NAV3: variants seen among roughly 807,000 people sequenced by gnomAD.
NAV3 encodes the protein pore membrane and/or filament interacting like protein 1.
In NAV3, 87 loss-of-function variants were observed where a neutral mutation model predicts 244.7. That is an observed-to-expected ratio of 0.36 (90% confidence interval 0.30 to 0.42). The LOEUF (loss-of-function observed/expected upper bound fraction) is 0.42. Among genes scored for constraint, NAV3 ranks in the 20% least tolerant of loss-of-function variants. The probability of loss-of-function intolerance (pLI) is 1.00; values close to 1 mark genes in which losing one functional copy is unlikely to be tolerated. For missense variants in NAV3, 2,663 were observed against 2,893.3 expected (o/e 0.92, Z 1.83); for synonymous variants, 1,126 against 1,042.2 (o/e 1.08, Z -1.55).
intron 2 of NAV3, among the ~76,000 whole-genome samples, chr12:77,577,212 T>C (rs1224454970): frequency 1.3e-5 from 2 of 152,178 alleles, no homozygotes; most frequent in Non-Finnish European, 2.9e-5. Flanking sequence ...TTCATACTTC[T>C]ATAAGATGAT....
chr12:78,174,331 TCAAAATATCTTAA>T (rs928690799), intron 24 of NAV3, among the ~76,000 whole-genome samples: 1 of 151,828 alleles, frequency 6.6e-6, no homozygotes, highest in African/African-American at 2.4e-5. Flanking sequence ...GCTATTCTCT[TCAAAATATCTTAA>T]CTAAAGAAGC....
At chr12:77,999,836 T>C (rs1452072443) in intron 7 of NAV3, among the ~76,000 whole-genome samples, 1 of 151,812 alleles carries the variant, frequency 6.6e-6, no homozygotes, top group African/African-American at 2.4e-5. Context: ...CTAAAAAATA[T>C]TATACAAGTT....
intron 2 of NAV3, among the ~76,000 whole-genome samples, chr12:77,624,026 C>T (rs1871503114): frequency 6.6e-6 from 1 of 152,062 alleles, no homozygotes; most frequent in Non-Finnish European, 1.5e-5. Context: ...ACAATAATGT[C>T]AAGGGAACCT....
intron 2 of NAV3, among the ~76,000 whole-genome samples, chr12:77,648,941 A>C (rs1306163329): frequency 1.3e-5 from 2 of 152,112 alleles, no homozygotes; most frequent in Non-Finnish European, 2.9e-5. Flanking sequence ...GTCATTGGGA[A>C]ATAGGACAGT....
chr12:77,809,818 G>C (rs965505640), intron 2 of NAV3, among the ~76,000 whole-genome samples: 1 of 152,112 alleles, frequency 6.6e-6, no homozygotes. Context: ...CAAAACCACT[G>C]TTGTATGGCT....
At chr12:77,751,847 G>A (rs10506757) in intron 2 of NAV3, among the ~76,000 whole-genome samples, 7 of 152,116 alleles carry the variant, frequency 4.6e-5, no homozygotes, top group East Asian at 1.9e-4. Flanking sequence ...GAGCTTATAC[G>A]CAGTTGTTCT....
At position 77,662,683 on chromosome 12, in the gene NAV3, A is replaced by G. The variant is rs148700764; in HGVS notation, c.72+90417A>G. Among the ~76,000 whole-genome samples the G allele has an allele frequency of 4.9e-3, 746 of 152,266 alleles. 2 individuals carry two copies. Among genetic ancestry groups the G allele is most frequent in the Non-Finnish European group, 8.0e-3 (547 of 67,972 alleles). ...GATTAATATGTATTTTAACTTTATA[A>G]AAATGAGACTTTACACATAGGTTTG... On this transcript the variant is annotated intron_variant, in intron 2 of 8. Coordinates refer to the NAV3 transcript ENST00000550042.
intron 2 of NAV3, among the ~76,000 whole-genome samples, chr12:77,676,690 C>T (rs868433947): frequency 6.6e-6 from 1 of 151,756 alleles, no homozygotes; most frequent in Non-Finnish European, 1.5e-5. Flanking sequence ...GTCATCTAGG[C>T]AAGGGGGAGG....
chr12:78,203,110 TTAAC>T (rs1266688723), intron 38 of NAV3, among the ~76,000 whole-genome samples: 1 of 152,158 alleles, frequency 6.6e-6, no homozygotes, highest in Non-Finnish European at 1.5e-5. Context: ...GGATTCTTTC[TTAAC>T]TAGTCAGCTA....
intron 1 of NAV3, among the ~76,000 whole-genome samples, chr12:77,903,162 C>A (rs1885521325): frequency 6.6e-6 from 1 of 152,084 alleles, no homozygotes. Flanking sequence ...TCATATGGAA[C>A]CAAAACAGAG....
intron 12 of NAV3, among the ~76,000 whole-genome samples, chr12:78,099,331 G>A (rs1954422720): frequency 6.6e-6 from 1 of 151,590 alleles, no homozygotes; most frequent in South Asian, 2.1e-4. Context: ...AATGAATAAT[G>A]TACAGATACT....
chr12:77,755,594 C>CTTT (rs1337165474), intron 2 of NAV3, among the ~76,000 whole-genome samples: 3 of 33,542 alleles, frequency 8.9e-5, no homozygotes, highest in African/African-American at 2.5e-4. Context: ...TCCCTCCCTC[C>CTTT]CTCCCTCCCT....
At chr12:77,657,175 T>C (rs1468960120) in intron 2 of NAV3, among the ~76,000 whole-genome samples, 3 of 149,160 alleles carry the variant, frequency 2.0e-5, no homozygotes. Context: ...GGAGCTGGTT[T>C]TTTGAAAGGA....
chr12:77,929,901 G>C (rs1190980081), intron 1 of NAV3, among the ~76,000 whole-genome samples: 2 of 148,642 alleles, frequency 1.3e-5, no homozygotes, highest in Admixed American at 6.8e-5. Context: ...TGCCTGCCTC[G>C]GCCTCCCAAA....
In NAV3 at chr12:78,185,535, A is replaced by G. The variant is rs1365136947; in HGVS notation, c.5693-66A>G. 3 of 1,347,964 alleles carry G rather than the reference A, an allele frequency of 2.2e-6. No individual in the cohort carries two copies. In the African/African-American group the frequency reaches 4.3e-5, roughly 20 times the overall value. 83.5% of individuals were successfully genotyped at this position (1,347,964 alleles called of 1,614,324 possible). On this transcript the variant is annotated intron_variant, in intron 30 of 39. Coordinates refer to ENST00000397909, the MANE Select transcript of NAV3 (RefSeq NM_001024383.2). ...ATATAAAACTATGAGGGAGAAAAGAATGACAGTAAACAAATCTGAGCTAAT... is the reference window on the plus strand; with the variant it reads ...ATATAAAACTATGAGGGAGAAAAGAGTGACAGTAAACAAATCTGAGCTAAT...
Position 77,631,105 on chromosome 12 carries a change from G to A in NAV3, c.72+58839G>A, listed in dbSNP as rs567335236. Among the ~76,000 whole-genome samples, 12 of 152,290 alleles carry A rather than the reference G, an allele frequency of 7.9e-5. No individual in the cohort carries two copies. In the South Asian group the frequency reaches 2.5e-3, roughly 32 times the overall value. The stretch of plus-strand genomic sequence containing the variant: ...AGTTTGCAGTTACAGATGTAAGCAT[G>A]TCAAGTTTACCTTATTTTCTACTTT... On this transcript the variant is annotated intron_variant, in intron 2 of 8. Coordinates refer to the NAV3 transcript ENST00000550042.
At chr12:78,065,972 C>T (rs1260335961) in intron 12 of NAV3, among the ~76,000 whole-genome samples, 1 of 152,102 alleles carries the variant, frequency 6.6e-6, no homozygotes, top group African/African-American at 2.4e-5. Flanking sequence ...TATCTCCTTT[C>T]CACAATTCAT....
At chr12:77,573,106 G>T (rs953653361) in intron 2 of NAV3, among the ~76,000 whole-genome samples, 1 of 152,132 alleles carries the variant, frequency 6.6e-6, no homozygotes, top group East Asian at 1.9e-4. Context: ...GATGGTGCTG[G>T]CAAGAAATGG....
At chr12:78,003,168 T>TTTTTTTTTTTTTTTTTTTTTTG (rs1873607444) in intron 7 of NAV3, among the ~76,000 whole-genome samples, 1 of 149,816 alleles carries the variant, frequency 6.7e-6, no homozygotes, top group Non-Finnish European at 1.5e-5. Flanking sequence ...AGCAATTATT[T>TTTTTTTTTTTTTTTTTTTTTTG]ATGCAAAGCA....
Sources: gnomAD v4.1 joint callset for allele counts (sites outside exome capture counted in the v4.1 genomes callset) on GRCh38, gnomAD v4.1.1 for gene constraint, MANE v1.5 for transcripts, NCBI Gene and HGNC (gene_info 2026-07-23, HGNC 2026-07-21) for gene names.